The following VPS8 variants were observed in gnomAD, a reference collection of about 807,000 sequenced individuals.
The protein encoded by VPS8 is VPS8 subunit of CORVET complex.
A neutral mutation model predicts 216.4 loss-of-function variants in VPS8; 129 were observed. The observed-to-expected ratio is 0.60, with a 90% CI of 0.52 to 0.69. VPS8 has a LOEUF of 0.69. Ranked by LOEUF, VPS8 falls within the 30% of genes least tolerant of loss-of-function variation. VPS8 has a pLI of 0.00. For missense variants in VPS8, 1,531 were observed against 1,683.5 expected (o/e 0.91, Z 1.59); for synonymous variants, 571 against 565.4 (o/e 1.01, Z -0.14).
At chr3:184,914,229 T>C (rs1334647043) in intron 26 of VPS8, among the ~76,000 whole-genome samples, 3 of 152,212 alleles carry the variant, frequency 2.0e-5, no homozygotes, top group African/African-American at 7.2e-5. Flanking sequence ...ATTGATTCTT[T>C]AGTGTGAAAG....
chr3:184,939,460 T>C (rs1742256892), intron 35 of VPS8, among the ~76,000 whole-genome samples: 1 of 151,922 alleles, frequency 6.6e-6, no homozygotes, highest in Non-Finnish European at 1.5e-5. Context: ...CCCAAGAATT[T>C]AGAAATATTC....
chr3:185,013,651 T>C (rs1755366281), intron 45 of VPS8, among the ~76,000 whole-genome samples: 1 of 152,230 alleles, frequency 6.6e-6, no homozygotes, highest in African/African-American at 2.4e-5. Flanking sequence ...GAGCTATTCA[T>C]AGTTTCCACA....
intron 8 of VPS8, among the ~76,000 whole-genome samples, chr3:184,848,275 C>T (rs143643454): frequency 1.5e-3 from 225 of 152,236 alleles, no homozygotes; most frequent in Non-Finnish European, 2.8e-3. Context: ...AATGTTTACT[C>T]TGTAATTTGC....
intron 45 of VPS8, among the ~76,000 whole-genome samples, chr3:185,012,184 A>G (rs1755105140): frequency 1.3e-5 from 2 of 150,114 alleles, no homozygotes; most frequent in Non-Finnish European, 3.0e-5. Context: ...CTAGAAGTCT[A>G]TCATATATAC....
chr3:185,040,418 A>G (rs1759473949), intron 46 of VPS8, among the ~76,000 whole-genome samples: 4 of 152,100 alleles, frequency 2.6e-5, no homozygotes, highest in African/African-American at 9.7e-5. Flanking sequence ...TTCCCCTAAG[A>G]CCTACCAAAA....
At chr3:184,934,861 C>T (rs950107647) in intron 34 of VPS8, among the ~76,000 whole-genome samples, 1 of 152,160 alleles carries the variant, frequency 6.6e-6, no homozygotes, top group African/African-American at 2.4e-5. Context: ...TAGCCTCTTA[C>T]AATGAGCTGA....
At chr3:184,976,710 G>A (rs1030489321) in intron 40 of VPS8, among the ~76,000 whole-genome samples, 8 of 152,236 alleles carry the variant, frequency 5.3e-5, no homozygotes, top group Non-Finnish European at 1.0e-4. Flanking sequence ...ATGAGAACAC[G>A]TGGTATTTGG....
intron 46 of VPS8, among the ~76,000 whole-genome samples, chr3:185,044,032 A>G (rs1712291062): frequency 6.6e-6 from 1 of 152,194 alleles, no homozygotes; most frequent in Non-Finnish European, 1.5e-5. Context: ...TCTACTAAAA[A>G]TACAAAAATT....
At chr3:184,900,678 A>G (rs1560589395) in intron 24 of VPS8, among the ~76,000 whole-genome samples, 1 of 152,220 alleles carries the variant, frequency 6.6e-6, no homozygotes, top group Non-Finnish European at 1.5e-5. Flanking sequence ...ATAATCTCAG[A>G]TAAGCCCTTT....
intron 42 of VPS8, among the ~76,000 whole-genome samples, chr3:184,983,554 G>A (rs1433927805): frequency 6.6e-6 from 1 of 151,906 alleles, no homozygotes; most frequent in African/African-American, 2.4e-5. Context: ...ATTCTAGCTG[G>A]CTTTGTGTCC....
At chr3:184,846,391 G>C (rs1560359910) in intron 8 of VPS8, among the ~76,000 whole-genome samples, 1 of 152,144 alleles carries the variant, frequency 6.6e-6, no homozygotes, top group Non-Finnish European at 1.5e-5. Flanking sequence ...TAATCTACAA[G>C]TTATGTCCTT....
chr3:184,944,404 G>C lies in VPS8; in HGVS notation c.3035+4161G>C, dbSNP rs566064031. 1.6e-5 allele frequency: 9 copies of C among 568,626 alleles called. No individual in the cohort carries two copies. In the East Asian group the frequency reaches 8.7e-4, roughly 55 times the overall value. The allele number at this position is 568,626 out of a possible 1,614,324, so 35.2% of individuals were successfully genotyped here. On this transcript the variant is annotated intron_variant, in intron 36 of 47. Coordinates refer to ENST00000625842, the MANE Select transcript of VPS8 (RefSeq NM_001009921.3). ...TTATTTCCTTTGGGACAGCTGCTAC[G>C]TAAAGCCCGACTCTACCCCCATCCC...
In VPS8 at chr3:184,984,194, A is replaced by AAACTCACCAAG; in HGVS notation, c.3585+1100_3585+1101insAACTCACCAAG. ...GCGAGACTCCGTCTCAAAAAAAAAAACTCTACTTCCCATCTGATATTAAGC... is the reference window on the plus strand; with the variant it reads ...GCGAGACTCCGTCTCAAAAAAAAAAAAACTCACCAAGCTCTACTTCCCATCTGATATTAAGC... On this transcript the variant is annotated intron_variant, in intron 42 of 47. Coordinates refer to ENST00000625842, the MANE Select transcript of VPS8 (RefSeq NM_001009921.3). Among the ~76,000 whole-genome samples, 3 of 46,528 alleles carry AAACTCACCAAG rather than the reference A, an allele frequency of 6.4e-5. 1 individual carries two copies. The highest frequency in any genetic ancestry group is 1.3e-4 in the African/African-American group (2 of 14,856). The allele number at this position is 46,528 out of a possible 152,430, so 30.5% of individuals were successfully genotyped here. A position where few individuals can be genotyped will look rare whatever the true frequency, so the allele number is the denominator to read the frequency against.
intron 7 of VPS8, among the ~76,000 whole-genome samples, chr3:184,842,843 A>C (rs1191268881): frequency 6.6e-6 from 1 of 152,112 alleles, no homozygotes; most frequent in Non-Finnish European, 1.5e-5. Flanking sequence ...TTAAAAAAAT[A>C]TATTGGTACT....
In VPS8 at chr3:185,051,913, G is replaced by A. The variant is rs982353010; in HGVS notation, c.4175G>A (p.Ser1392Asn). The change falls in exon 48 of 48, where the codon AGC (serine) becomes AAC (asparagine). Residue 1392 changes from serine (S) to asparagine (N), a missense_variant. Transcript: ENST00000625842. ...LLTELSQNRS[S>N]ESYRPFSGSQ... The stretch of plus-strand genomic sequence containing the variant: ...ACGGAACTCTCCCAGAATCGCAGCA[G>A]CGAGAGCTATAGGCCATTCAGTGGC... 3.7e-6 allele frequency: 6 copies of A among 1,611,594 alleles called. No homozygotes were observed. Among genetic ancestry groups the A allele is most frequent in the African/African-American group, 2.7e-5 (2 of 74,848 alleles).
At chr3:184,839,825 A>G in intron 7 of VPS8, 73 bp downstream of exon 7, 1 of 1,524,030 alleles carries the variant, frequency 6.6e-7, no homozygotes, top group South Asian at 1.3e-5. Context: ...CTTTAATCAC[A>G]GTTTATATAG....
At chr3:184,842,189 A>AAAAAAAAAAAAAAAAAAAAAAAAAC in intron 7 of VPS8, among the ~76,000 whole-genome samples, 1 of 145,546 alleles carries the variant, frequency 6.9e-6, no homozygotes. Context: ...TCCGTCTCAA[A>AAAAAAAAAAAAAAAAAAAAAAAAAC]AAAAAAAAAA....
intron 30 of VPS8, among the ~76,000 whole-genome samples, chr3:184,925,899 A>G (rs112520786): frequency 0.066 from 9,822 of 149,294 alleles, 377 homozygotes; most frequent in African/African-American, 0.11. Flanking sequence ...TCAGCCTCCT[A>G]AGTAGCTGGG....
intron 1 of VPS8, among the ~76,000 whole-genome samples, chr3:184,819,786 T>C (rs764697782): frequency 1.3e-5 from 2 of 152,188 alleles, no homozygotes; most frequent in Non-Finnish European, 2.9e-5. Context: ...CCAAAAACTT[T>C]ACTACTACTA....
Sources: gnomAD v4.1 joint callset for allele counts (sites outside exome capture counted in the v4.1 genomes callset) on GRCh38, gnomAD v4.1.1 for gene constraint, MANE v1.5 for transcripts, NCBI Gene and HGNC (gene_info 2026-07-23, HGNC 2026-07-21) for gene names.